Variants in FOXN3 observed in about 807,000 individuals in gnomAD.
FOXN3 encodes the protein forkhead box protein N3.
In FOXN3, 7 loss-of-function variants were observed where a neutral mutation model predicts 38.4. The ratio of observed to expected loss-of-function variants is 0.18; its 90% CI spans 0.10 to 0.34. The LOEUF is 0.34. Among genes scored for constraint, FOXN3 ranks in the 10% least tolerant of loss-of-function variants. The pLI is 1.00. For missense variants in FOXN3, 456 were observed against 613.4 expected, an observed-to-expected ratio of 0.74 and a Z score of 2.71; for synonymous variants, 230 against 242.2, an observed-to-expected ratio of 0.95 and a Z score of 0.47.
At chr14:89,526,351 T>C (rs1184745505) in intron 1 of FOXN3, among the ~76,000 whole-genome samples, 1 of 152,190 alleles carries the variant, frequency 6.6e-6, no homozygotes, top group Non-Finnish European at 1.5e-5. Context: ...GTCATTATCT[T>C]TGTAGAAAAT....
At chr14:89,349,001 C>G (rs1334470411) in intron 3 of FOXN3, among the ~76,000 whole-genome samples, 3 of 152,024 alleles carry the variant, frequency 2.0e-5, no homozygotes. Context: ...TTCCTAGAAG[C>G]AAAGGGAGAT....
At chr14:89,505,022 A>AGC (rs1401468919) in intron 1 of FOXN3, among the ~76,000 whole-genome samples, 1 of 152,194 alleles carries the variant, frequency 6.6e-6, no homozygotes, top group Non-Finnish European at 1.5e-5. Flanking sequence ...AGCGAAATAC[A>AGC]GCATACGGTG....
At chr14:89,467,255 G>T (rs758991906) in intron 1 of FOXN3, among the ~76,000 whole-genome samples, 1 of 152,132 alleles carries the variant, frequency 6.6e-6, no homozygotes, top group African/African-American at 2.4e-5. Context: ...CCACAGCTTC[G>T]CCTGTTCCCG....
At chr14:89,385,223 A>T (rs1890759416) in intron 2 of FOXN3, among the ~76,000 whole-genome samples, 2 of 152,200 alleles carry the variant, frequency 1.3e-5, no homozygotes, top group Non-Finnish European at 2.9e-5. Context: ...GGTATAAATT[A>T]TAAATGTGCC....
intron 3 of FOXN3, among the ~76,000 whole-genome samples, chr14:89,324,029 T>A (rs1887971737): frequency 6.6e-6 from 1 of 152,188 alleles, no homozygotes; most frequent in Non-Finnish European, 1.5e-5. Context: ...CAGCTTAAGT[T>A]GCAACCTGCA....
chr14:89,385,970 C>T (rs1229904147), intron 2 of FOXN3, among the ~76,000 whole-genome samples: 3 of 152,230 alleles, frequency 2.0e-5, no homozygotes, highest in Admixed American at 2.0e-4. Flanking sequence ...CTTCTACTCA[C>T]TGAGAGAATA....
intron 3 of FOXN3, among the ~76,000 whole-genome samples, chr14:89,323,571 T>G (rs1036943651): frequency 1.5e-4 from 22 of 151,358 alleles, no homozygotes; most frequent in African/African-American, 5.1e-4. Flanking sequence ...ATACAAAAAT[T>G]AGCTGGGCGT....
At chr14:89,377,679 T>A (rs559561539) in intron 2 of FOXN3, among the ~76,000 whole-genome samples, 20 of 152,260 alleles carry the variant, frequency 1.3e-4, no homozygotes, top group Non-Finnish European at 2.8e-4. Flanking sequence ...AATGACCATC[T>A]GTAAAACCTT....
chr14:89,383,029 G>GTTTTTTTTTTTTTTT (rs57032907), intron 2 of FOXN3, among the ~76,000 whole-genome samples: 2 of 92,514 alleles, frequency 2.2e-5, no homozygotes, highest in Non-Finnish European at 4.0e-5. Context: ...TTTGGGTGGT[G>GTTTTTTTTTTTTTTT]TTTTTTTTTT....
chr14:89,566,095 G>A (rs895428928), intron 1 of FOXN3, among the ~76,000 whole-genome samples: 8 of 152,126 alleles, frequency 5.3e-5, no homozygotes, highest in African/African-American at 9.7e-5. Context: ...TGGGCTCCTC[G>A]GAACTGCTAG....
At chr14:89,571,018 A>G (rs1436695154) in intron 1 of FOXN3, among the ~76,000 whole-genome samples, 1 of 152,224 alleles carries the variant, frequency 6.6e-6, no homozygotes, top group Admixed American at 6.5e-5. Context: ...AAGGAGCACT[A>G]AGTAGCTAAA....
rs1041853624 is a variant in FOXN3 at position 89,609,516 on chromosome 14, G to A, written c.-15+9512C>T. On this transcript the variant is annotated intron_variant, in intron 1 of 6. Coordinates refer to the FOXN3 transcript ENST00000345097. ...GAGTTGCAACCACGTGCCAGGCTCC[G>A]TGCCAAGTGCTTTTCAGGGACTCAT... Among the ~76,000 whole-genome samples the A allele has an allele frequency of 5.9e-5, 9 of 152,246 alleles. No individual in the cohort carries two copies. The South Asian group carries it at 1.0e-3, about 18-fold the overall frequency.
chr14:89,329,441 G>C (rs959358920), intron 3 of FOXN3, among the ~76,000 whole-genome samples: 29 of 152,178 alleles, frequency 1.9e-4, no homozygotes, highest in African/African-American at 7.0e-4. Flanking sequence ...GGCAATATCT[G>C]CAGACGTTTT....
intron 2 of FOXN3, among the ~76,000 whole-genome samples, chr14:89,390,490 TAAAAAAA>T (rs376776864): frequency 1.8e-4 from 23 of 130,172 alleles, no homozygotes; most frequent in African/African-American, 5.7e-4. Flanking sequence ...AGCTGCTTTT[TAAAAAAA>T]AAAAAAAAAA....
intron 2 of FOXN3, among the ~76,000 whole-genome samples, chr14:89,369,322 T>A (rs1278874327): frequency 6.6e-6 from 1 of 152,172 alleles, no homozygotes; most frequent in African/African-American, 2.4e-5. Flanking sequence ...TTAGTAGCAG[T>A]GATAGTAGCA....
chr14:89,540,876 G>T (rs1894779780), intron 1 of FOXN3, among the ~76,000 whole-genome samples: 1 of 152,146 alleles, frequency 6.6e-6, no homozygotes, highest in Admixed American at 6.5e-5. Flanking sequence ...CTCAGATCGG[G>T]TCTTAAAAAT....
At chr14:89,571,492 G>A (rs1353570518) in intron 1 of FOXN3, among the ~76,000 whole-genome samples, 11 of 149,662 alleles carry the variant, frequency 7.3e-5, no homozygotes, top group Non-Finnish European at 1.5e-4. Flanking sequence ...CTGGGCAGGA[G>A]AGTGAGACTC....
chr14:89,218,757 G>A (rs906062187), intron 4 of FOXN3, among the ~76,000 whole-genome samples: 7 of 152,112 alleles, frequency 4.6e-5, no homozygotes, highest in Non-Finnish European at 1.0e-4. Context: ...TGCTTTTCTA[G>A]GGAAAGTGAC....
At chr14:89,474,881 T>C (rs890289829) in intron 1 of FOXN3, among the ~76,000 whole-genome samples, 6 of 152,204 alleles carry the variant, frequency 3.9e-5, no homozygotes, top group African/African-American at 1.2e-4. Context: ...AGTGGCACAA[T>C]CTCAGCTCAC....
Sources: allele counts gnomAD v4.1 joint callset (sites outside exome capture counted in the v4.1 genomes callset), GRCh38; gene constraint gnomAD v4.1.1; transcripts MANE v1.5; gene names NCBI Gene and HGNC (gene_info 2026-07-23, HGNC 2026-07-21).